MYO18B: variants seen among roughly 807,000 people sequenced by gnomAD.
MYO18B encodes myosin XVIIIB.
In MYO18B, 204 loss-of-function variants were observed where a neutral mutation model predicts 273.0. The observed-to-expected ratio is 0.75, with a 90% confidence interval of 0.67 to 0.84. The LOEUF (loss-of-function observed/expected upper bound fraction) is 0.84. MYO18B is among the 40% of genes least tolerant of loss of function. The probability of loss-of-function intolerance (pLI) is 0.00; values close to 1 mark genes in which losing one functional copy is unlikely to be tolerated. For missense variants in MYO18B, 3,212 were observed against 3,287.6 expected (o/e 0.98, Z 0.56); for synonymous variants, 1,330 against 1,305.7 (o/e 1.02, Z -0.40).
chr22:25,994,822 T>C (rs1328135373), intron 40 of MYO18B, among the ~76,000 whole-genome samples: 1 of 152,240 alleles, frequency 6.6e-6, no homozygotes, highest in East Asian at 1.9e-4. Context: ...AATAGAGCTT[T>C]TGCATGAATT....
At chr22:25,914,226 A>T (rs1247122961) in intron 33 of MYO18B, among the ~76,000 whole-genome samples, 2 of 151,848 alleles carry the variant, frequency 1.3e-5, no homozygotes, top group Non-Finnish European at 2.9e-5. Context: ...GACTGTTTTT[A>T]AAATTGCCTG....
intron 42 of MYO18B, among the ~76,000 whole-genome samples, chr22:26,005,123 A>T (rs191219955): frequency 3.5e-4 from 53 of 152,332 alleles, no homozygotes; most frequent in African/African-American, 1.3e-3. Flanking sequence ...GACCTAATGC[A>T]GTCCTCTCCA....
rs902115755 is a variant in MYO18B, at chr22:25,914,748, G to A, written c.5364+3698G>A. Among the ~76,000 whole-genome samples, 4 of 117,234 alleles carry A rather than the reference G, an allele frequency of 3.4e-5. No homozygotes were observed. In the Admixed American group the frequency reaches 4.5e-4, roughly 13 times the overall value. 76.9% of individuals were successfully genotyped at this position (117,234 alleles called of 152,430 possible). On this transcript the variant is annotated intron_variant, in intron 33 of 43. Coordinates refer to ENST00000335473, the MANE Select transcript of MYO18B (RefSeq NM_032608.7). Reference sequence around the variant, plus strand: ...GTCTCGCTCTGTCGCCCAGGATGAAGTGCAGCGGCGCGATCTCAGCTCACT... The same window carrying A: ...GTCTCGCTCTGTCGCCCAGGATGAAATGCAGCGGCGCGATCTCAGCTCACT...
intron 11 of MYO18B, among the ~76,000 whole-genome samples, chr22:25,793,000 C>G (rs1338227666): frequency 6.6e-6 from 1 of 152,186 alleles, no homozygotes; most frequent in African/African-American, 2.4e-5. Context: ...AGGGTCATAC[C>G]CGATTAACTT....
chr22:25,839,745 G>A (rs2090026739), intron 17 of MYO18B, among the ~76,000 whole-genome samples: 1 of 152,158 alleles, frequency 6.6e-6, no homozygotes, highest in Admixed American at 6.5e-5. Context: ...TGGGGAGCAG[G>A]GGAGGCATCT....
chr22:25,891,871 T>A (rs977339902), intron 27 of MYO18B, among the ~76,000 whole-genome samples: 1 of 151,784 alleles, frequency 6.6e-6, no homozygotes, highest in African/African-American at 2.4e-5. Flanking sequence ...TACAAAAAAT[T>A]TAAAAAATTA....
In MYO18B at chr22:25,898,442, C is replaced by T. The variant is rs768685326; in HGVS notation, c.4804C>T (p.Leu1602=). The change falls in exon 29 of 44, where the codon CTG becomes TTG. Residue 1602 remains leucine (L), a synonymous_variant. Coordinates refer to ENST00000335473, the MANE Select transcript of MYO18B (RefSeq NM_032608.7). ...GAACCAACAAAGTCGAAACCATGAG[C>T]TGGAGAAGAAGCAGAAGAAGTGAGT... ...LENQQSRNHE[L]EKKQKKFDLQ... 15 of 1,613,616 alleles carry T rather than the reference C, an allele frequency of 9.3e-6. No homozygotes were observed. The highest frequency in any genetic ancestry group is 1.2e-5 in the Non-Finnish European group (14 of 1,179,790).
At chr22:25,898,093 A>C (rs554835111) in intron 28 of MYO18B, 1 of 538,278 alleles carries the variant, frequency 1.9e-6, no homozygotes, top group South Asian at 2.8e-5. Context: ...AGATTGATGG[A>C]ATTATCCCCA....
Position 25,982,848 on chromosome 22 carries a change from G to T in MYO18B, c.6157-9515G>T, listed in dbSNP as rs959283348. On this transcript the variant is annotated intron_variant, in intron 39 of 43. Coordinates refer to ENST00000335473, the MANE Select transcript of MYO18B (RefSeq NM_032608.7). ...AACGGATTTACATGTTGCCGGATTA[G>T]ATCATAGACATCTTTGGGAGGACTT... Among the ~76,000 whole-genome samples the T allele has an allele frequency of 1.8e-4, 28 of 152,184 alleles. 1 individual carries two copies. Among genetic ancestry groups the T allele is most frequent in the Admixed American group, 1.8e-3 (28 of 15,286 alleles).
chr22:25,956,853 C>T (rs1032674094), intron 39 of MYO18B, among the ~76,000 whole-genome samples: 1 of 152,202 alleles, frequency 6.6e-6, no homozygotes, highest in East Asian at 1.9e-4. Flanking sequence ...GTTCTTCCTG[C>T]AGCAAATATA....
In MYO18B at chr22:25,823,484, T is replaced by A. The variant is rs778201909; in HGVS notation, c.2522-21T>A. On this transcript the variant is annotated intron_variant, in intron 12 of 43. Transcript: ENST00000335473. ...ATGCCCAAGGCCTCACTGCCACGCC[T>A]CTGTTTTGTCCCCTTTGCAGTGGGT... 13 of 1,611,706 alleles carry A rather than the reference T, an allele frequency of 8.1e-6. No homozygotes were observed. In the East Asian group the frequency reaches 2.9e-4, roughly 36 times the overall value.
chr22:25,895,053 G>A (rs907625421), intron 27 of MYO18B, 103 bp from the exon 28 acceptor site: 1 of 1,371,534 alleles, frequency 7.3e-7, no homozygotes, highest in African/African-American at 1.4e-5. Flanking sequence ...TGAATATTGT[G>A]AAATTGCATG....
intron 39 of MYO18B, among the ~76,000 whole-genome samples, chr22:25,988,305 G>A (rs1312380966): frequency 6.6e-6 from 1 of 152,052 alleles, no homozygotes; most frequent in African/African-American, 2.4e-5. Flanking sequence ...GTTGAAGCAG[G>A]AAAGATTTGC....
the MYO18B span, among the ~76,000 whole-genome samples, chr22:26,057,201 G>T: frequency 9.9e-5 from 15 of 151,982 alleles, no homozygotes; most frequent in South Asian, 1.0e-3. Flanking sequence ...AAACTAAACT[G>T]CTCTGATCAT....
chr22:25,950,084 T>C (rs1261746569), intron 36 of MYO18B, among the ~76,000 whole-genome samples: 5 of 152,154 alleles, frequency 3.3e-5, no homozygotes, highest in Non-Finnish European at 4.4e-5. Context: ...CCTAGTGCCA[T>C]GGCCAGCCCA....
chr22:26,004,956 A>G, intron 42 of MYO18B, 101 bp downstream of exon 42: 1 of 1,466,242 alleles, frequency 6.8e-7, no homozygotes, highest in Non-Finnish European at 9.3e-7. Flanking sequence ...GGCATAGGCA[A>G]AAACAAGCAT....
intron 36 of MYO18B, among the ~76,000 whole-genome samples, chr22:25,948,407 T>C (rs1194001518): frequency 1.7e-5 from 2 of 117,946 alleles, no homozygotes; most frequent in Non-Finnish European, 3.5e-5. Flanking sequence ...TTTTCCTGTC[T>C]TTCCTTCCTT....
intron 8 of MYO18B, among the ~76,000 whole-genome samples, chr22:25,779,058 TG>T (rs2087030818): frequency 1.3e-5 from 2 of 152,162 alleles, no homozygotes; most frequent in African/African-American, 4.8e-5. Flanking sequence ...TCCCCTATGA[TG>T]AAATGTTAAT....
rs753198702 is a variant in MYO18B at position 25,832,990 on chromosome 22, C to A, written c.3053C>A (p.Pro1018His). The change falls in exon 16 of 44, where the codon CCC becomes CAC. Residue 1018 changes from proline to histidine, a missense_variant. By Grantham distance (77) the Pro-to-His change is moderately conservative (BLOSUM62 -2). Transcript: ENST00000335473. Reference sequence around the variant, plus strand: ...ACCGTGGCTGTTGTGGATCAAAATCCCTCTCAGGTAACACAGGGCCCAGCC... The same window carrying A: ...ACCGTGGCTGTTGTGGATCAAAATCACTCTCAGGTAACACAGGGCCCAGCC... Reference protein sequence around the residue: ...GTTVAVVDQNPSQVRLPAGGG... With the variant: ...GTTVAVVDQNHSQVRLPAGGG... 1 of 1,613,786 alleles carries A rather than the reference C, an allele frequency of 6.2e-7. No individual in the cohort carries two copies. The highest frequency in any genetic ancestry group is 8.5e-7 in the Non-Finnish European group (1 of 1,179,820).
Sources: gnomAD v4.1 joint callset for allele counts (sites outside exome capture counted in the v4.1 genomes callset) on GRCh38, gnomAD v4.1.1 for gene constraint, MANE v1.5 for transcripts, NCBI Gene and HGNC (gene_info 2026-07-23, HGNC 2026-07-21) for gene names.